The following NELL2 variants were observed in gnomAD, a reference collection of about 807,000 sequenced individuals.
NELL2 encodes the protein protein kinase C-binding protein NELL2.
A neutral mutation model predicts 109.6 loss-of-function variants in NELL2; 41 were observed. The observed-to-expected ratio is 0.37, with a 90% CI of 0.29 to 0.49. NELL2 has a LOEUF of 0.49. NELL2 is among the 20% of genes least tolerant of loss of function. The probability of loss-of-function intolerance (pLI) is 0.98; values close to 1 mark genes in which losing one functional copy is unlikely to be tolerated. For missense variants in NELL2, 900 were observed against 1,008.3 expected, an observed-to-expected ratio of 0.89 and a Z score of 1.45; for synonymous variants, 355 against 344.7, an observed-to-expected ratio of 1.03 and a Z score of -0.33.
At chr12:44,614,312 T>G (rs1045235413) in intron 13 of NELL2, among the ~76,000 whole-genome samples, 5 of 151,890 alleles carry the variant, frequency 3.3e-5, no homozygotes, top group Admixed American at 3.3e-4. Context: ...GAAATTTAAA[T>G]GAAATGAAAA....
intron 15 of NELL2, among the ~76,000 whole-genome samples, chr12:44,569,940 T>C (rs1943802430): frequency 1.3e-5 from 2 of 151,324 alleles, no homozygotes. Flanking sequence ...CAGGTTGAGT[T>C]AACACAGCAG....
intron 16 of NELL2, among the ~76,000 whole-genome samples, chr12:44,528,688 T>TAAGC (rs1190742442): frequency 6.6e-6 from 1 of 152,158 alleles, no homozygotes; most frequent in Non-Finnish European, 1.5e-5. Flanking sequence ...AAGCAGATAA[T>TAAGC]AAGCAAGCAA....
chr12:44,698,773 G>T (rs543094582), intron 12 of NELL2, among the ~76,000 whole-genome samples: 30 of 152,236 alleles, frequency 2.0e-4, no homozygotes, highest in African/African-American at 7.2e-4. Context: ...AATTATGTGT[G>T]ACATGCAATC....
chr12:44,555,429 G>A (rs889114256), intron 15 of NELL2, among the ~76,000 whole-genome samples: 2 of 152,036 alleles, frequency 1.3e-5, no homozygotes, highest in South Asian at 2.1e-4. Context: ...CCTTCATATT[G>A]CTGACAATAA....
At chr12:44,658,903 A>G (rs892511512) in intron 13 of NELL2, among the ~76,000 whole-genome samples, 1 of 151,172 alleles carries the variant, frequency 6.6e-6, no homozygotes, top group Non-Finnish European at 1.5e-5. Flanking sequence ...AAAAAAAGAA[A>G]AGAAAAAGAA....
intron 14 of NELL2, among the ~76,000 whole-genome samples, chr12:44,608,915 T>A (rs1945506656): frequency 6.7e-6 from 1 of 150,100 alleles, no homozygotes; most frequent in African/African-American, 2.4e-5. Context: ...CATATATATA[T>A]GTATATATAT....
intron 15 of NELL2, among the ~76,000 whole-genome samples, chr12:44,593,138 A>G (rs1944820410): frequency 2.0e-5 from 3 of 152,206 alleles, no homozygotes; most frequent in Admixed American, 6.5e-5. Context: ...ATAGTGCTAA[A>G]TGTCCAAGTG....
intron 15 of NELL2, among the ~76,000 whole-genome samples, chr12:44,542,379 C>A (rs1942614864): frequency 6.6e-6 from 1 of 150,962 alleles, no homozygotes; most frequent in African/African-American, 2.4e-5. Flanking sequence ...TCTTTTGTAG[C>A]TACCAAATTC....
chr12:44,773,167 A>T (rs1941615092), intron 9 of NELL2, among the ~76,000 whole-genome samples: 1 of 152,220 alleles, frequency 6.6e-6, no homozygotes, highest in Admixed American at 6.5e-5. Flanking sequence ...TTATGGATGT[A>T]AAGAAAGATA....
At chr12:44,725,522 T>C (rs1939026285) in intron 9 of NELL2, among the ~76,000 whole-genome samples, 1 of 152,104 alleles carries the variant, frequency 6.6e-6, no homozygotes. Context: ...CAGACAAATA[T>C]AAATCTTTCT....
intron 1 of NELL2, among the ~76,000 whole-genome samples, chr12:44,903,458 A>G (rs1945684909): frequency 6.6e-6 from 1 of 152,160 alleles, no homozygotes. Context: ...AATTAGTTCA[A>G]CCATTGTGGA....
At chr12:44,590,973 T>C (rs1364882346) in intron 15 of NELL2, among the ~76,000 whole-genome samples, 2 of 150,054 alleles carry the variant, frequency 1.3e-5, no homozygotes, top group Middle Eastern at 3.5e-3. Flanking sequence ...AGGATCTGGA[T>C]TGACATTTCT....
intron 13 of NELL2, among the ~76,000 whole-genome samples, chr12:44,613,889 C>T (rs999691901): frequency 2.0e-5 from 3 of 152,050 alleles, no homozygotes; most frequent in South Asian, 4.1e-4. Context: ...AGGACTCCAC[C>T]ATCAAATCAC....
intron 9 of NELL2, among the ~76,000 whole-genome samples, chr12:44,729,854 C>T (rs56164026): frequency 0.074 from 11,307 of 151,974 alleles, 1,360 homozygotes; most frequent in African/African-American, 0.25. Flanking sequence ...AGTGCAGTGG[C>T]GTGATCTCGC....
chr12:44,644,608 G>GTATATATATATATATATATATA (rs1180129986), intron 13 of NELL2, among the ~76,000 whole-genome samples: 11 of 90,808 alleles, frequency 1.2e-4, no homozygotes, highest in South Asian at 3.7e-4. Flanking sequence ...ATATATGTAT[G>GTATATATATATATATATATATA]TATATATATA....
chr12:44,591,146 A>G (rs7965784), intron 15 of NELL2, among the ~76,000 whole-genome samples: 2,472 of 152,242 alleles, frequency 0.016, 51 homozygotes, highest in African/African-American at 0.057. Context: ...CAAGGATGTG[A>G]ACAAAAAGGA....
At chr12:44,861,253 A>C (rs1181575895) in intron 2 of NELL2, among the ~76,000 whole-genome samples, 3 of 152,168 alleles carry the variant, frequency 2.0e-5, no homozygotes, top group Non-Finnish European at 4.4e-5. Context: ...TGAGCACTTG[A>C]CTTTGTTTCA....
At chr12:44,659,348 G>A (rs1024309534) in intron 13 of NELL2, among the ~76,000 whole-genome samples, 5 of 152,042 alleles carry the variant, frequency 3.3e-5, no homozygotes, top group Admixed American at 3.3e-4. Context: ...TGACAAATGG[G>A]GTCTAATTAA....
chr12:44,529,596 G>A (rs1486147323), intron 16 of NELL2, among the ~76,000 whole-genome samples: 1 of 152,166 alleles, frequency 6.6e-6, no homozygotes, highest in Non-Finnish European at 1.5e-5. Flanking sequence ...GAAAGAAAAG[G>A]CCTGTAGGAG....
Sources: gnomAD v4.1 joint callset for allele counts (sites outside exome capture counted in the v4.1 genomes callset) on GRCh38, gnomAD v4.1.1 for gene constraint, MANE v1.5 for transcripts, NCBI Gene and HGNC (gene_info 2026-07-23, HGNC 2026-07-21) for gene names.